Variants in NIT2 observed in about 807,000 individuals in gnomAD.
NIT2 encodes the protein omega-amidase NIT2.
NIT2 carries 46 observed loss-of-function variants against 42.7 expected under a neutral mutation model. The observed-to-expected ratio is 1.08, with a 90% confidence interval of 0.85 to 1.38. NIT2 has a LOEUF of 1.38. Ranked by LOEUF, NIT2 falls within the 40% of genes most tolerant of loss-of-function variation. The pLI, the probability that NIT2 is intolerant of heterozygous loss-of-function variation, is 0.00. For synonymous variants in NIT2, 123 were observed against 121.9 expected (o/e 1.01, Z -0.06); for missense variants, 309 against 342.5 (o/e 0.90, Z 0.77).
rs540227126 is a variant in NIT2, at chr3:100,334,933, C to G, written c.7+135C>G. On this transcript the variant is annotated intron_variant, in intron 1 of 9. Transcript: ENST00000394140. The stretch of plus-strand genomic sequence containing the variant: ...CGTGCGCGGCCTTCCCTGAGGCGGG[C>G]GTCCGCGTGGGTCCGGGATCGCGTG... The G allele has an allele frequency of 8.1e-6, 7 of 864,456 alleles. No homozygotes were observed. The South Asian group carries it at 2.1e-4, about 26-fold the overall frequency. The allele number at this position is 864,456 out of a possible 1,614,324, so 53.5% of individuals were successfully genotyped here.
chr3:100,355,089 C>G, intron 9 of NIT2, 88 bp from the exon 10 acceptor site: 1 of 963,734 alleles, frequency 1.0e-6, no homozygotes, highest in Non-Finnish European at 1.7e-6. Flanking sequence ...TACTAAGACT[C>G]TGGTGGTTTA....
chr3:100,344,738 C>G (rs1706194235), intron 4 of NIT2, among the ~76,000 whole-genome samples: 1 of 151,906 alleles, frequency 6.6e-6, no homozygotes, highest in Admixed American at 6.6e-5. Context: ...CTCCACCTCC[C>G]TGGTTCAAGC....
At chr3:100,336,482 G>C (rs1576197261) in intron 1 of NIT2, among the ~76,000 whole-genome samples, 1 of 152,136 alleles carries the variant, frequency 6.6e-6, no homozygotes, top group East Asian at 1.9e-4. Flanking sequence ...CGGCCTCTGA[G>C]TTCCCTTAGT....
chr3:100,355,103 A>G (rs1273044307), intron 9 of NIT2, 74 bp from the exon 10 acceptor site: 2 of 1,092,826 alleles, frequency 1.8e-6, no homozygotes, highest in East Asian at 2.4e-5. Context: ...TGGTTTATAC[A>G]GTCAGGGGAA....
Position 100,341,053 on chromosome 3 carries a change from G to A in NIT2, c.248-20G>A. On this transcript the variant is annotated intron_variant, in intron 3 of 9. Coordinates refer to ENST00000394140, the MANE Select transcript of NIT2 (RefSeq NM_020202.5). ...TGCTCTATTCTTTTTCTTATGGTAT[G>A]TTTCTTCTCTCAATGAAAGGCTCTA... 2 of 1,540,286 alleles carry A rather than the reference G, an allele frequency of 1.3e-6. No individual in the cohort carries two copies. The highest frequency in any genetic ancestry group is 1.8e-6 in the Non-Finnish European group (2 of 1,112,984).
chr3:100,350,888 GAT>G (rs1322421593), intron 7 of NIT2, among the ~76,000 whole-genome samples: 1 of 151,784 alleles, frequency 6.6e-6, no homozygotes, highest in African/African-American at 2.4e-5. Context: ...CCCAGAGTGT[GAT>G]GTTCCCCTTC....
intron 4 of NIT2, among the ~76,000 whole-genome samples, chr3:100,343,215 C>T (rs1416037985): frequency 6.6e-6 from 1 of 151,764 alleles, no homozygotes; most frequent in Non-Finnish European, 1.5e-5. Flanking sequence ...TCTTTGCCTT[C>T]CTTGGTACTT....
Position 100,341,156 on chromosome 3 carries a change from A to C in NIT2, c.331A>C (p.Arg111=). ...TGATGGAACTTTACTAGCAAAGTAT[A>C]GAAAGGTAAGTAGGAAGTGTGGCAT... ...GPDGTLLAKY[R]KIHLFDIDVP... The change falls in exon 4 of 10, where the codon AGA becomes CGA. Residue 111 remains arginine, a synonymous_variant. Transcript: ENST00000394140. 6.2e-7 allele frequency: 1 copy of C among 1,608,278 alleles called. No individual in the cohort carries two copies. Among genetic ancestry groups the C allele is most frequent in the Non-Finnish European group, 8.5e-7 (1 of 1,174,692 alleles).
Position 100,352,471 on chromosome 3 carries a change from G to T in NIT2, c.652G>T (p.Ala218Ser). The T allele has an allele frequency of 1.2e-6, 2 of 1,613,432 alleles. No homozygotes were observed. Among genetic ancestry groups the T allele is most frequent in the Non-Finnish European group, 1.7e-6 (2 of 1,179,528 alleles). Reference sequence around the variant, plus strand: ...CCGGGATGACAAAGCCTCCTATGTTGCCTGGGGACACAGCACCGTGGTGAA... The same window carrying T: ...CCGGGATGACAAAGCCTCCTATGTTTCCTGGGGACACAGCACCGTGGTGAA... ...PARDDKASYVAWGHSTVVNPW... is the reference protein window; with the variant it reads ...PARDDKASYVSWGHSTVVNPW... The change falls in exon 8 of 10, where the codon GCC (alanine) becomes TCC (serine). Residue 218 changes from alanine (A) to serine (S), a missense_variant. Transcript: ENST00000394140.
At chr3:100,341,857 C>T (rs1292089515) in intron 4 of NIT2, among the ~76,000 whole-genome samples, 4 of 151,992 alleles carry the variant, frequency 2.6e-5, no homozygotes, top group Non-Finnish European at 4.4e-5. Context: ...GCCTGGCCAA[C>T]ATGGTGAAAC....
At chr3:100,339,331 C>T (rs975389139) in intron 2 of NIT2, 126 bp downstream of exon 2, 22 of 716,806 alleles carry the variant, frequency 3.1e-5, no homozygotes, top group Admixed American at 7.8e-5. Flanking sequence ...TAGATTGTTC[C>T]GAGTCTGACT....
chr3:100,350,943 G>A (rs531008822), intron 7 of NIT2, among the ~76,000 whole-genome samples: 1 of 152,032 alleles, frequency 6.6e-6, no homozygotes, highest in African/African-American at 2.4e-5. Context: ...ACCTATGAGT[G>A]AGAATATGCG....
At position 100,361,240 on chromosome 3, in the gene NIT2, A is replaced by G. The variant is rs1274856135; in HGVS notation, c.*5972A>G. On this transcript the variant is annotated 3_prime_UTR_variant, in exon 10 of 10. Coordinates refer to ENST00000394140, the MANE Select transcript of NIT2 (RefSeq NM_020202.5). ...AGGCCATGGATCATCTCTGCAGAGA[A>G]TCCTACCATGCTGCATTCTTGCTTT... The G allele has an allele frequency of 6.6e-6, 1 of 152,242 alleles. No individual in the cohort carries two copies. Among genetic ancestry groups the G allele is most frequent in the Non-Finnish European group, 1.5e-5 (1 of 68,050 alleles). 9.4% of individuals were successfully genotyped at this position (152,242 alleles called of 1,614,324 possible).
intron 1 of NIT2, among the ~76,000 whole-genome samples, chr3:100,335,868 C>G (rs996406846): frequency 6.6e-6 from 1 of 152,154 alleles, no homozygotes; most frequent in African/African-American, 2.4e-5. Flanking sequence ...AAAATTAGCC[C>G]GGTGTGGTGG....
intron 4 of NIT2, among the ~76,000 whole-genome samples, chr3:100,342,241 T>C (rs996057951): frequency 2.6e-5 from 4 of 152,234 alleles, no homozygotes; most frequent in Non-Finnish European, 5.9e-5. Flanking sequence ...TTCTTTGTTC[T>C]CAAGCTATAT....
chr3:100,345,111 C>G (rs1195770386), intron 4 of NIT2, among the ~76,000 whole-genome samples: 1 of 151,498 alleles, frequency 6.6e-6, no homozygotes, highest in Non-Finnish European at 1.5e-5. Context: ...CGCACAACCA[C>G]CCCCGGCTAA....
chr3:100,352,479 A>G lies in NIT2; in HGVS notation c.660A>G (p.Gly220=). ...RDDKASYVAW[G]HSTVVNPWGE... is the part of the protein sequence containing the mutation. ...ACAAAGCCTCCTATGTTGCCTGGGG[A>G]CACAGCACCGTGGTGAACCCTTGGT... Residue 220 remains glycine (G), a synonymous_variant, in exon 8 of 10, where the codon GGA becomes GGG. Transcript: ENST00000394140. The G allele has an allele frequency of 6.2e-7, 1 of 1,613,278 alleles. No homozygotes were observed. The highest frequency in any genetic ancestry group is 1.7e-5 in the Admixed American group (1 of 60,000).
At chr3:100,343,693 A>G (rs1332041847) in intron 4 of NIT2, among the ~76,000 whole-genome samples, 1 of 152,202 alleles carries the variant, frequency 6.6e-6, no homozygotes, top group African/African-American at 2.4e-5. Context: ...CCACAGAATG[A>G]GACTATTAGG....
chr3:100,348,182 G>T (rs559262289), intron 6 of NIT2, among the ~76,000 whole-genome samples: 4 of 152,194 alleles, frequency 2.6e-5, no homozygotes, highest in Non-Finnish European at 4.4e-5. Context: ...GTGAGCCAGC[G>T]CACCCACCGC....
Sources: gnomAD v4.1 joint callset for allele counts (sites outside exome capture counted in the v4.1 genomes callset) on GRCh38, gnomAD v4.1.1 for gene constraint, MANE v1.5 for transcripts, NCBI Gene and HGNC (gene_info 2026-07-23, HGNC 2026-07-21) for gene names.